The following GRK4 variants were observed in gnomAD, a reference collection of about 807,000 sequenced individuals.
GRK4 encodes G protein-coupled receptor kinase 4.
In GRK4, 73 loss-of-function variants were observed where a neutral mutation model predicts 77.9. The observed-to-expected ratio is 0.94, with a 90% CI of 0.78 to 1.14. The LOEUF (loss-of-function observed/expected upper bound fraction) is 1.14. GRK4 is among the 50% of genes most tolerant of loss of function. The probability of loss-of-function intolerance (pLI) is 0.00; values close to 1 mark genes in which losing one functional copy is unlikely to be tolerated. For missense variants in GRK4, 729 were observed against 700.2 expected (o/e 1.04, Z -0.46); for synonymous variants, 257 against 254.4 (o/e 1.01, Z -0.10).
intron 4 of GRK4, among the ~76,000 whole-genome samples, chr4:3,001,089 A>G (rs186276408): frequency 0.024 from 1,946 of 82,470 alleles, 194 homozygotes; most frequent in South Asian, 0.033. Context: ...ATATATATAT[A>G]TGTGTGTGTG....
In GRK4 at chr4:2,963,991, GGGC is replaced by G; in HGVS notation, c.-72_-70del. ...GTGGTGCCCGGCGAGCTATGCACGG[GGGC>G]GGCGGCGTCTCCTCCTGTTCCGCCT... On this transcript the variant is annotated 5_prime_UTR_variant, in exon 1 of 16. Coordinates refer to ENST00000398052, the MANE Select transcript of GRK4 (RefSeq NM_182982.3). The G allele has an allele frequency of 2.3e-6, 3 of 1,283,412 alleles. No individual in the cohort carries two copies. The highest frequency in any genetic ancestry group is 1.2e-5 in the South Asian group (1 of 80,230). 79.5% of individuals were successfully genotyped at this position (1,283,412 alleles called of 1,614,324 possible).
At chr4:3,023,409 A>G (rs1736598750) in intron 10 of GRK4, among the ~76,000 whole-genome samples, 1 of 152,194 alleles carries the variant, frequency 6.6e-6, no homozygotes. Flanking sequence ...TAGAGCACAC[A>G]TGGCAAGGTC....
chr4:2,993,080 T>C (rs1159986371), intron 4 of GRK4, among the ~76,000 whole-genome samples: 1 of 151,936 alleles, frequency 6.6e-6, no homozygotes, highest in African/African-American at 2.4e-5. Context: ...ATGAGGAAAC[T>C]AACAATTAGA....
chr4:2,990,579 G>T (rs1725861493), intron 3 of GRK4, among the ~76,000 whole-genome samples: 1 of 152,106 alleles, frequency 6.6e-6, no homozygotes, highest in Non-Finnish European at 1.5e-5. Context: ...TGAAGACAGA[G>T]TTCCAGTATG....
chr4:2,995,157 C>A (rs1727416374), intron 4 of GRK4, among the ~76,000 whole-genome samples: 1 of 152,132 alleles, frequency 6.6e-6, no homozygotes, highest in African/African-American at 2.4e-5. Flanking sequence ...TGTATATGTA[C>A]CCCATTTTCT....
chr4:2,978,140 G>A (rs1223003588), intron 1 of GRK4, among the ~76,000 whole-genome samples: 1 of 152,170 alleles, frequency 6.6e-6, no homozygotes, highest in Non-Finnish European at 1.5e-5. Flanking sequence ...GTCAGTTGCT[G>A]TATTAATCTA....
chr4:3,013,768 A>T lies in GRK4; in HGVS notation c.681A>T (p.Lys227Asn). 6.2e-7 allele frequency: 1 copy of T among 1,613,630 alleles called. No individual in the cohort carries two copies. The highest frequency in any genetic ancestry group is 1.3e-5 in the African/African-American group (1 of 75,024). ...AAAAAAAAAGAATAAAGAAGAGGAAAGGTGAAGCTATGGCTCTAAATGAGA... is the reference window on the plus strand; with the variant it reads ...AAAAAAAAAGAATAAAGAAGAGGAATGGTGAAGCTATGGCTCTAAATGAGA... ...KLQKKRIKKR[K>N]GEAMALNEKR... Residue 227 changes from lysine to asparagine, a missense_variant, in exon 8 of 16, where the codon AAA becomes AAT. Coordinates refer to ENST00000398052, the MANE Select transcript of GRK4 (RefSeq NM_182982.3).
At chr4:3,001,143 GTATATA>G (rs1480610263) in intron 4 of GRK4, among the ~76,000 whole-genome samples, 1 of 134,652 alleles carries the variant, frequency 7.4e-6, no homozygotes, top group African/African-American at 2.9e-5. Context: ...ATATATATAG[GTATATA>G]TGTGTATGTG....
intron 4 of GRK4, among the ~76,000 whole-genome samples, chr4:2,999,441 A>G (rs986985302): frequency 1.3e-5 from 2 of 152,208 alleles, no homozygotes; most frequent in African/African-American, 4.8e-5. Context: ...CTACCAACAC[A>G]TGAACTTTGG....
intron 9 of GRK4, among the ~76,000 whole-genome samples, chr4:3,020,923 G>C (rs1403629604): frequency 6.6e-6 from 1 of 152,138 alleles, no homozygotes; most frequent in African/African-American, 2.4e-5. Context: ...CATTTACATT[G>C]TGTCCGGTAG....
intron 10 of GRK4, 114 bp downstream of exon 10, chr4:3,022,565 CAA>C (rs1560478007): frequency 1.1e-6 from 1 of 921,436 alleles, no homozygotes; most frequent in East Asian, 2.6e-5. Flanking sequence ...GAAACAATAA[CAA>C]AAAGAAAAAC....
intron 7 of GRK4, among the ~76,000 whole-genome samples, chr4:3,010,640 A>G (rs1287587643): frequency 2.0e-5 from 3 of 152,308 alleles, no homozygotes; most frequent in East Asian, 3.9e-4. Context: ...TTACCTTACT[A>G]GTTACCTGGA....
chr4:2,984,512 G>A lies in GRK4; in HGVS notation c.53-1G>A, dbSNP rs189339086. On this transcript the variant is annotated splice_acceptor_variant, in intron 1 of 15. Coordinates refer to ENST00000398052, the MANE Select transcript of GRK4 (RefSeq NM_182982.3). LOFTEE classifies it high-confidence loss of function. ...AATTGCCTTTTTTCTCCCAAATTCA[G>A]GAGGATATGGCAAAAAAAGTGGTCG... The A allele has an allele frequency of 2.5e-5, 40 of 1,599,746 alleles. No homozygotes were observed. Among genetic ancestry groups the A allele is most frequent in the African/African-American group, 6.7e-5 (5 of 74,732 alleles).
chr4:3,006,716 G>A (rs1265213733), intron 5 of GRK4, among the ~76,000 whole-genome samples: 1 of 151,984 alleles, frequency 6.6e-6, no homozygotes, highest in African/African-American at 2.4e-5. Context: ...CAAGGCTGCA[G>A]TGACTGTGAC....
At chr4:2,999,941 T>A (rs7696434) in intron 4 of GRK4, among the ~76,000 whole-genome samples, 55,013 of 151,618 alleles carry the variant, frequency 0.36, 10,375 homozygotes, top group African/African-American at 0.44. Flanking sequence ...AATAAAAAGA[T>A]GACCCAATTT....
At position 3,037,390 on chromosome 4, in the gene GRK4, G is replaced by C. The variant is rs762419096; in HGVS notation, c.1424G>C (p.Cys475Ser). The C allele has an allele frequency of 4.4e-6, 7 of 1,605,958 alleles. No individual in the cohort carries two copies. The highest frequency in any genetic ancestry group is 1.7e-4 in the Middle Eastern group (1 of 6,030). Residue 475 changes from cysteine (C) to serine (S), a missense_variant, in exon 14 of 16, where the codon TGT becomes TCT. Cys to Ser is a moderately radical substitution (Grantham distance 112, BLOSUM62 -1). Transcript: ENST00000398052. ...PFCPDPHAVYCKDVLDIEQFS... is the reference protein window; with the variant it reads ...PFCPDPHAVYSKDVLDIEQFS... ...GCTACACAGCCTCATGCCGTTTACT[G>C]TAAGGACGTCCTGGATATCGAGCAG...
Position 2,967,789 on chromosome 4 carries a change from A to G in GRK4, c.52+3667A>G, listed in dbSNP as rs374409977. Among the ~76,000 whole-genome samples, 136 of 151,768 alleles carry G rather than the reference A, an allele frequency of 9.0e-4. 3 individuals are homozygous for G. In the South Asian group the frequency reaches 0.027, roughly 30 times the overall value. On this transcript the variant is annotated intron_variant, in intron 1 of 15. Transcript: ENST00000398052. Reference sequence around the variant, plus strand: ...GATCATATTGTTAATAAATATAAAAACAATTTTTTTTTGAGGCGTCGTTTT... The same window carrying G: ...GATCATATTGTTAATAAATATAAAAGCAATTTTTTTTTGAGGCGTCGTTTT...
intron 8 of GRK4, among the ~76,000 whole-genome samples, chr4:3,019,310 G>A (rs932807607): frequency 5.9e-5 from 9 of 152,162 alleles, no homozygotes; most frequent in African/African-American, 1.9e-4. Context: ...TGCTGAATGC[G>A]GTTGCCCGGG....
In GRK4 at chr4:2,963,953, G is replaced by A; in HGVS notation, c.-118G>A. 1.1e-6 allele frequency: 1 copy of A among 936,820 alleles called. No individual in the cohort carries two copies. Among genetic ancestry groups the A allele is most frequent in the Non-Finnish European group, 1.7e-6 (1 of 595,576 alleles). 58.0% of individuals were successfully genotyped at this position (936,820 alleles called of 1,614,324 possible). A position where few individuals can be genotyped will look rare whatever the true frequency, so the allele number is the denominator to read the frequency against. On this transcript the variant is annotated 5_prime_UTR_variant, in exon 1 of 16. Coordinates refer to ENST00000398052, the MANE Select transcript of GRK4 (RefSeq NM_182982.3). ...GCAGCCTCCCGGGATCGTGTCCGGAGCTCGAGGAGAGGGTGGTGCCCGGCG... is the reference window on the plus strand; with the variant it reads ...GCAGCCTCCCGGGATCGTGTCCGGAACTCGAGGAGAGGGTGGTGCCCGGCG...
Sources: gnomAD v4.1 joint callset for allele counts (sites outside exome capture counted in the v4.1 genomes callset) on GRCh38, gnomAD v4.1.1 for gene constraint, MANE v1.5 for transcripts, NCBI Gene and HGNC (gene_info 2026-07-23, HGNC 2026-07-21) for gene names.